Variants in SDK1 observed in about 807,000 individuals in gnomAD.
SDK1 encodes protein sidekick-1.
SDK1 carries 157 observed loss-of-function variants against 245.5 expected under a neutral mutation model. The ratio of observed to expected loss-of-function variants is 0.64; its 90% CI spans 0.56 to 0.73. The LOEUF (loss-of-function observed/expected upper bound fraction) is 0.73. Ranked by LOEUF, SDK1 falls within the 30% of genes least tolerant of loss-of-function variation. The pLI, the probability that SDK1 is intolerant of heterozygous loss-of-function variation, is 0.00. For synonymous variants in SDK1, 1,647 were observed against 1,278.5 expected (o/e 1.29, Z -6.15); for missense variants, 3,583 against 3,002.3 (o/e 1.19, Z -4.52).
Position 4,267,968 on chromosome 7 carries a change from G to A in SDK1, c.*2584G>A. 2.5e-5 allele frequency: 25 copies of A among 985,496 alleles called. No homozygotes were observed. The highest frequency in any genetic ancestry group is 2.9e-5 in the Non-Finnish European group (24 of 829,970). The allele number at this position is 985,496 out of a possible 1,614,324, so 61.0% of individuals were successfully genotyped here. A position where few individuals can be genotyped will look rare whatever the true frequency, so the allele number is the denominator to read the frequency against. On this transcript the variant is annotated 3_prime_UTR_variant, in exon 45 of 45. Coordinates refer to ENST00000404826, the MANE Select transcript of SDK1 (RefSeq NM_152744.4). The stretch of plus-strand genomic sequence containing the variant: ...CCCAGAGCAATGCGGCATTTGAGAA[G>A]CAACAGTTCCTAACTCCTTATCTTC...
At chr7:3,793,495 T>G (rs988229913) in intron 4 of SDK1, among the ~76,000 whole-genome samples, 8 of 152,196 alleles carry the variant, frequency 5.3e-5, no homozygotes, top group African/African-American at 1.9e-4. Flanking sequence ...CCTCGTGCCT[T>G]AGATAGTCTT....
intron 44 of SDK1, among the ~76,000 whole-genome samples, chr7:4,257,657 A>G (rs973300553): frequency 2.6e-5 from 4 of 152,158 alleles, no homozygotes; most frequent in African/African-American, 7.2e-5. Flanking sequence ...CTAAATAGCA[A>G]GAAGGAAAAG....
chr7:4,200,685 C>T (rs913033173), intron 35 of SDK1, among the ~76,000 whole-genome samples: 1 of 152,216 alleles, frequency 6.6e-6, no homozygotes, highest in Non-Finnish European at 1.5e-5. Flanking sequence ...GCTGGCCAGA[C>T]CACAAGAGCA....
chr7:4,010,061 G>A (rs192861628), intron 14 of SDK1, among the ~76,000 whole-genome samples: 1 of 152,308 alleles, frequency 6.6e-6, no homozygotes, highest in Admixed American at 6.5e-5. Context: ...TGGGTGAAAG[G>A]GACCTTAGCG....
At position 3,838,707 on chromosome 7, in the gene SDK1, C is replaced by G. The variant is rs182371819; in HGVS notation, c.847+17124C>G. 2.6e-5 allele frequency among the ~76,000 whole-genome samples: 4 copies of G among 152,340 alleles called. No individual in the cohort carries two copies. In the East Asian group the frequency reaches 7.7e-4, roughly 29 times the overall value. On this transcript the variant is annotated intron_variant, in intron 5 of 44. Transcript: ENST00000404826. Reference sequence around the variant, plus strand: ...GGAGCTGATGGGATGCTGCTCTCAACTGGGGCATCACCTCATCCTGCTCAG... The same window carrying G: ...GGAGCTGATGGGATGCTGCTCTCAAGTGGGGCATCACCTCATCCTGCTCAG...
At chr7:3,512,443 T>C (rs1338757293) in intron 1 of SDK1, among the ~76,000 whole-genome samples, 3 of 152,202 alleles carry the variant, frequency 2.0e-5, no homozygotes, top group African/African-American at 7.2e-5. Context: ...CAGGTTTTTG[T>C]ATGTGGAAAT....
At chr7:3,851,584 C>T (rs528205281) in intron 5 of SDK1, among the ~76,000 whole-genome samples, 13 of 150,666 alleles carry the variant, frequency 8.6e-5, no homozygotes, top group Non-Finnish European at 1.8e-4. Flanking sequence ...AAAAGCTTGC[C>T]AATCATGCCG....
intron 44 of SDK1, among the ~76,000 whole-genome samples, chr7:4,263,778 G>C (rs868646063): frequency 4.2e-4 from 1 of 2,390 alleles, no homozygotes; most frequent in Non-Finnish European, 8.1e-4. Context: ...CCTCTCCTGA[G>C]TGGGGAGGCC....
At chr7:4,161,158 A>T (rs1781094591) in intron 31 of SDK1, among the ~76,000 whole-genome samples, 1 of 152,162 alleles carries the variant, frequency 6.6e-6, no homozygotes, top group South Asian at 2.1e-4. Flanking sequence ...GACCTCTTGG[A>T]TGTGGCAGAT....
intron 13 of SDK1, among the ~76,000 whole-genome samples, chr7:3,985,404 G>C (rs1361153541): frequency 6.6e-6 from 1 of 152,220 alleles, no homozygotes; most frequent in East Asian, 1.9e-4. Flanking sequence ...GCAGCAGGGG[G>C]AATAGGAAAT....
chr7:3,609,813 G>T (rs1480432912), intron 1 of SDK1, among the ~76,000 whole-genome samples: 3 of 150,286 alleles, frequency 2.0e-5, no homozygotes, highest in Non-Finnish European at 4.4e-5. Flanking sequence ...CGATTCTCCT[G>T]CCTCAGACTC....
intron 1 of SDK1, among the ~76,000 whole-genome samples, chr7:3,557,656 C>A (rs1200543504): frequency 6.6e-6 from 1 of 152,182 alleles, no homozygotes; most frequent in Non-Finnish European, 1.5e-5. Flanking sequence ...TGTACTAAGG[C>A]TTTCAAAATG....
At chr7:3,603,666 C>T (rs925119462) in intron 1 of SDK1, among the ~76,000 whole-genome samples, 6 of 152,096 alleles carry the variant, frequency 3.9e-5, no homozygotes, top group Non-Finnish European at 7.4e-5. Context: ...TAATTGAATA[C>T]CCTTTGTTTC....
At chr7:3,469,114 AT>A (rs1325319360) in intron 1 of SDK1, among the ~76,000 whole-genome samples, 1 of 152,114 alleles carries the variant, frequency 6.6e-6, no homozygotes, top group Non-Finnish European at 1.5e-5. Flanking sequence ...GAAATTTCGA[AT>A]TTCGTGTCAA....
intron 4 of SDK1, among the ~76,000 whole-genome samples, chr7:3,764,941 G>C (rs1364418149): frequency 1.3e-5 from 2 of 152,004 alleles, no homozygotes; most frequent in Admixed American, 6.6e-5. Context: ...CATAAAACAT[G>C]TTATATAGTC....
At chr7:3,930,530 A>G (rs78095873) in intron 5 of SDK1, among the ~76,000 whole-genome samples, 2 of 152,242 alleles carry the variant, frequency 1.3e-5, no homozygotes, top group Admixed American at 6.5e-5. Flanking sequence ...CAAGAACAGC[A>G]GTAAAGCCAG....
chr7:4,038,131 A>G (rs1328538211), intron 17 of SDK1, among the ~76,000 whole-genome samples: 1 of 152,138 alleles, frequency 6.6e-6, no homozygotes, highest in African/African-American at 2.4e-5. Context: ...TCCTGTGGCT[A>G]ACGGCGCCAC....
At chr7:4,223,758 G>A (rs1345403688) in intron 40 of SDK1, among the ~76,000 whole-genome samples, 1 of 152,174 alleles carries the variant, frequency 6.6e-6, no homozygotes, top group Admixed American at 6.5e-5. Context: ...TTTGCAGTGG[G>A]GGGCAGAGAC....
intron 1 of SDK1, among the ~76,000 whole-genome samples, chr7:3,401,073 C>T (rs929274844): frequency 1.3e-5 from 2 of 152,116 alleles, no homozygotes; most frequent in African/African-American, 4.8e-5. Context: ...CCTCATAGCC[C>T]TCAGCTCCGT....
Sources: gnomAD v4.1 joint callset for allele counts (sites outside exome capture counted in the v4.1 genomes callset) on GRCh38, gnomAD v4.1.1 for gene constraint, MANE v1.5 for transcripts, NCBI Gene and HGNC (gene_info 2026-07-23, HGNC 2026-07-21) for gene names.